The following SMCO4 variants were observed in gnomAD, a reference collection of about 807,000 sequenced individuals.
SMCO4 encodes single-pass membrane and coiled-coil domain-containing protein 4.
Under a neutral mutation model 3.6 loss-of-function variants are expected in SMCO4, and 4 were observed. The observed-to-expected ratio is 1.11, with a 90% CI of 0.54 to 2.53. The LOEUF is 2.53. Ranked by LOEUF, SMCO4 falls within the 30% of genes most tolerant of loss-of-function variation. SMCO4 has a pLI of 0.02. For synonymous variants in SMCO4, 36 were observed against 35.3 expected (o/e 1.02, Z -0.07); for missense variants, 70 against 80.8 (o/e 0.87, Z 0.51).
chr11:93,530,809 T>C (rs1030734232), intron 1 of SMCO4, among the ~76,000 whole-genome samples: 1 of 152,056 alleles, frequency 6.6e-6, no homozygotes, highest in South Asian at 2.1e-4. Flanking sequence ...AGTGCACACA[T>C]TCCTTCTCAG....
intron 1 of SMCO4, among the ~76,000 whole-genome samples, chr11:93,517,471 A>T (rs1361346440): frequency 1.3e-5 from 2 of 152,180 alleles, no homozygotes; most frequent in Non-Finnish European, 2.9e-5. Context: ...GGCAACTTCT[A>T]AAAAGAAATT....
At chr11:93,481,968 T>C (rs1308397531) in intron 2 of SMCO4, among the ~76,000 whole-genome samples, 1 of 152,160 alleles carries the variant, frequency 6.6e-6, no homozygotes, top group African/African-American at 2.4e-5. Context: ...CACACAAGTG[T>C]AGTTGACATT....
At chr11:93,484,987 G>A (rs1386146376) in intron 2 of SMCO4, among the ~76,000 whole-genome samples, 1 of 152,186 alleles carries the variant, frequency 6.6e-6, no homozygotes, top group Non-Finnish European at 1.5e-5. Context: ...ACAAGATTTT[G>A]AAGGCTTAGT....
intron 2 of SMCO4, among the ~76,000 whole-genome samples, chr11:93,487,634 G>T (rs1002804250): frequency 7.2e-5 from 11 of 152,200 alleles, no homozygotes; most frequent in Middle Eastern, 3.2e-3. Context: ...ATGAAAGCTA[G>T]CATTCTCAAT....
the SMCO4 span, among the ~76,000 whole-genome samples, chr11:93,550,831 T>TA: frequency 6.6e-6 from 1 of 152,162 alleles, no homozygotes; most frequent in Non-Finnish European, 1.5e-5. Context: ...AATCCCAAAG[T>TA]AAAAAATAAC....
At chr11:93,507,396 A>C (rs565029855) in intron 1 of SMCO4, among the ~76,000 whole-genome samples, 10 of 152,328 alleles carry the variant, frequency 6.6e-5, no homozygotes, top group African/African-American at 2.4e-4. Context: ...ACTCTATCTC[A>C]AAACAAATAA....
intron 2 of SMCO4, among the ~76,000 whole-genome samples, chr11:93,497,388 G>A (rs749961228): frequency 5.3e-5 from 8 of 152,200 alleles, no homozygotes; most frequent in South Asian, 4.1e-4. Context: ...GTAAGACAAT[G>A]CAGCATTCAT....
chr11:93,498,710 T>C (rs1324127894), intron 2 of SMCO4, among the ~76,000 whole-genome samples: 3 of 152,194 alleles, frequency 2.0e-5, no homozygotes, highest in Non-Finnish European at 2.9e-5. Flanking sequence ...TGCTCAAAGA[T>C]CATAATGTAT....
intron 2 of SMCO4, among the ~76,000 whole-genome samples, chr11:93,485,832 C>T (rs1948642027): frequency 6.6e-6 from 1 of 152,174 alleles, no homozygotes. Context: ...TTATTTCATT[C>T]CCACCACAAT....
At chr11:93,528,139 T>G (rs1173652572) in intron 1 of SMCO4, among the ~76,000 whole-genome samples, 2 of 152,172 alleles carry the variant, frequency 1.3e-5, no homozygotes, top group Non-Finnish European at 2.9e-5. Flanking sequence ...TCCTATAATA[T>G]GAAAATCCAG....
chr11:93,547,810 G>A (rs1361704171), upstream of SMCO4, among the ~76,000 whole-genome samples: 1 of 152,114 alleles, frequency 6.6e-6, no homozygotes, highest in African/African-American at 2.4e-5. Flanking sequence ...CTCTCTGCTG[G>A]GTCCCTTTGT....
intron 1 of SMCO4, among the ~76,000 whole-genome samples, chr11:93,500,228 TTCTGG>T (rs1477232073): frequency 6.6e-6 from 1 of 152,232 alleles, no homozygotes; most frequent in East Asian, 1.9e-4. Context: ...GGGCTTTTTC[TTCTGG>T]TCTTGCCTGG....
chr11:93,524,653 A>T (rs1949088896), intron 1 of SMCO4, among the ~76,000 whole-genome samples: 1 of 152,118 alleles, frequency 6.6e-6, no homozygotes, highest in African/African-American at 2.4e-5. Context: ...AACTGAAGAG[A>T]AAGGCAAAAC....
chr11:93,505,857 ATG>A (rs2134603877), intron 1 of SMCO4, among the ~76,000 whole-genome samples: 1 of 31,690 alleles, frequency 3.2e-5, no homozygotes, highest in African/African-American at 3.2e-4. Flanking sequence ...AGCCCTTGCA[ATG>A]ATGATGATGA....
chr11:93,532,571 C>T (rs1949173627), intron 1 of SMCO4, among the ~76,000 whole-genome samples: 1 of 152,222 alleles, frequency 6.6e-6, no homozygotes, highest in African/African-American at 2.4e-5. Flanking sequence ...GCCAATTCCC[C>T]TAATAAATCC....
At chr11:93,540,463 C>A (rs1252864946) in intron 1 of SMCO4, among the ~76,000 whole-genome samples, 1 of 152,208 alleles carries the variant, frequency 6.6e-6, no homozygotes, top group Non-Finnish European at 1.5e-5. Context: ...CCAGAGTCTA[C>A]AAGTGTTTAT....
At chr11:93,506,663 G>C (rs952013768) in intron 1 of SMCO4, among the ~76,000 whole-genome samples, 2 of 151,956 alleles carry the variant, frequency 1.3e-5, no homozygotes, top group Non-Finnish European at 2.9e-5. Context: ...GGATGGTCTC[G>C]CTCTCCTGAC....
chr11:93,511,737 A>C (rs1948959074), intron 1 of SMCO4, among the ~76,000 whole-genome samples: 1 of 152,210 alleles, frequency 6.6e-6, no homozygotes, highest in African/African-American at 2.4e-5. Context: ...AGGTTAGAAA[A>C]TGGATAAATG....
At chr11:93,540,029 T>C (rs1423377587) in intron 1 of SMCO4, among the ~76,000 whole-genome samples, 2 of 151,972 alleles carry the variant, frequency 1.3e-5, no homozygotes, top group Admixed American at 6.6e-5. Flanking sequence ...TTCAACTTTC[T>C]ATCAAAGACC....
Sources: gnomAD v4.1 joint callset for allele counts (sites outside exome capture counted in the v4.1 genomes callset) on GRCh38, gnomAD v4.1.1 for gene constraint, MANE v1.5 for transcripts, NCBI Gene and HGNC (gene_info 2026-07-23, HGNC 2026-07-21) for gene names.